Variants in CWC27 observed in about 807,000 individuals in gnomAD.
CWC27 encodes CWC27 spliceosome associated cyclophilin.
A neutral mutation model predicts 63.6 loss-of-function variants in CWC27; 47 were observed. The ratio of observed to expected loss-of-function variants is 0.74; its 90% CI spans 0.58 to 0.94. The LOEUF (loss-of-function observed/expected upper bound fraction) is 0.94, where lower values mean the gene tolerates loss of function less well. CWC27 is among the 40% of genes least tolerant of loss of function. The probability of loss-of-function intolerance (pLI) is 0.00; values close to 1 mark genes in which losing one functional copy is unlikely to be tolerated. For synonymous variants in CWC27, 175 were observed against 179.8 expected (o/e 0.97, Z 0.22); for missense variants, 495 against 554.3 (o/e 0.89, Z 1.07).
At chr5:64,807,610 T>TATGC in intron 10 of CWC27, 1 of 1,534,054 alleles carries the variant, frequency 6.5e-7, no homozygotes, top group Non-Finnish European at 8.7e-7. Context: ...CCACCTTCTC[T>TATGC]ATGCCTGTAT....
chr5:64,909,382 T>C (rs1221334980), intron 11 of CWC27, among the ~76,000 whole-genome samples: 1 of 152,180 alleles, frequency 6.6e-6, no homozygotes, highest in Non-Finnish European at 1.5e-5. Context: ...TTCCTTCATT[T>C]CAACCTTGGT....
intron 11 of CWC27, among the ~76,000 whole-genome samples, chr5:64,903,454 C>T (rs1238233150): frequency 6.6e-6 from 1 of 151,844 alleles, no homozygotes; most frequent in Non-Finnish European, 1.5e-5. Context: ...CATGTTCTCA[C>T]TCATAAGTGG....
intron 11 of CWC27, among the ~76,000 whole-genome samples, chr5:64,930,464 T>C (rs1748215333): frequency 6.6e-6 from 1 of 151,772 alleles, no homozygotes; most frequent in Non-Finnish European, 1.5e-5. Context: ...GGTAGAAAAA[T>C]AGGAATTCAT....
At chr5:64,996,545 G>A (rs1749635753) in intron 13 of CWC27, among the ~76,000 whole-genome samples, 1 of 151,086 alleles carries the variant, frequency 6.6e-6, no homozygotes, top group Admixed American at 6.6e-5. Context: ...GTGTTGTTGT[G>A]CCCAAATTAT....
chr5:64,938,243 C>T (rs925012257), intron 11 of CWC27, among the ~76,000 whole-genome samples: 1 of 152,004 alleles, frequency 6.6e-6, no homozygotes, highest in African/African-American at 2.4e-5. Context: ...TGGCTGATAC[C>T]GGTTTTTCCT....
chr5:65,016,675 T>A (rs1750053974), intron 13 of CWC27, among the ~76,000 whole-genome samples: 1 of 152,164 alleles, frequency 6.6e-6, no homozygotes. Flanking sequence ...GAACCCTTAG[T>A]AATGATGGTA....
rs1743379865 is a variant in CWC27 at position 64,774,710 on chromosome 5, CT to C, written c.63del (p.Gly22GlufsTer5). 3 of 1,587,596 alleles carry C rather than the reference CT, an allele frequency of 1.9e-6. No homozygotes were observed. The highest frequency in any genetic ancestry group is 1.8e-5 in the Admixed American group (1 of 55,810). ...CTACAGGTTTTATTGAAAACTACAG[CT>C]GGAGATATTGACATAGAGTTGTGGT... ...TNGKVLLKTT[A>X]GDIDIELWSK... On this transcript the variant is annotated frameshift_variant, in exon 2 of 14. Transcript: ENST00000381070. LOFTEE classifies it high-confidence loss of function.
At chr5:64,834,068 T>G (rs2112268317) in intron 10 of CWC27, among the ~76,000 whole-genome samples, 1 of 149,698 alleles carries the variant, frequency 6.7e-6, no homozygotes, top group Admixed American at 6.7e-5. Context: ...ATGGAAGCAA[T>G]CTCAAAAGTT....
chr5:64,967,999 T>C (rs1347041077), intron 11 of CWC27, among the ~76,000 whole-genome samples: 1 of 151,924 alleles, frequency 6.6e-6, no homozygotes, highest in Admixed American at 6.6e-5. Context: ...AGATAAATCA[T>C]TTACAAAATA....
chr5:64,975,486 T>A (rs1285524010), intron 12 of CWC27, among the ~76,000 whole-genome samples: 1 of 152,208 alleles, frequency 6.6e-6, no homozygotes, highest in Non-Finnish European at 1.5e-5. Flanking sequence ...CATTTCATAA[T>A]GATGGACTCT....
At chr5:64,839,263 A>T (rs775166468) in intron 10 of CWC27, among the ~76,000 whole-genome samples, 1 of 152,218 alleles carries the variant, frequency 6.6e-6, no homozygotes, top group African/African-American at 2.4e-5. Flanking sequence ...TTCATTCAGT[A>T]TTCATCTACT....
At chr5:64,959,969 A>G (rs1330152257) in intron 11 of CWC27, among the ~76,000 whole-genome samples, 2 of 152,228 alleles carry the variant, frequency 1.3e-5, no homozygotes, top group Non-Finnish European at 2.9e-5. Context: ...GAAGGTTCAA[A>G]TGAGGGGAAA....
At chr5:64,848,241 C>T (rs1214092225) in intron 10 of CWC27, among the ~76,000 whole-genome samples, 2 of 151,888 alleles carry the variant, frequency 1.3e-5, no homozygotes, top group Non-Finnish European at 2.9e-5. Flanking sequence ...AATTATGCAC[C>T]AACATATAGG....
At chr5:64,909,421 GTTC>G (rs1440624443) in intron 11 of CWC27, among the ~76,000 whole-genome samples, 1 of 151,690 alleles carries the variant, frequency 6.6e-6, no homozygotes, top group Non-Finnish European at 1.5e-5. Context: ...TCTTGGGGTT[GTTC>G]TTCTCAAGGA....
intron 10 of CWC27, among the ~76,000 whole-genome samples, chr5:64,845,953 CAA>C (rs1448353723): frequency 6.6e-6 from 1 of 152,126 alleles, no homozygotes; most frequent in African/African-American, 2.4e-5. Flanking sequence ...TGTCAAAAAT[CAA>C]AGACAAAACA....
chr5:64,980,135 A>T lies in CWC27; in HGVS notation c.1256+2897A>T, dbSNP rs554064884. On this transcript the variant is annotated intron_variant, in intron 13 of 13. Coordinates refer to ENST00000381070, the MANE Select transcript of CWC27 (RefSeq NM_005869.4). Reference sequence around the variant, plus strand: ...AATGCATGATAGAAATTTTTCACTCAGAATTACTAGGATTCCTCCTTTGTT... The same window carrying T: ...AATGCATGATAGAAATTTTTCACTCTGAATTACTAGGATTCCTCCTTTGTT... Among the ~76,000 whole-genome samples the T allele has an allele frequency of 2.0e-5, 3 of 152,354 alleles. No individual in the cohort carries two copies. In the South Asian group the frequency reaches 6.2e-4, roughly 32 times the overall value.
intron 10 of CWC27, among the ~76,000 whole-genome samples, chr5:64,849,230 C>CA (rs139344029): frequency 0.013 from 1,743 of 132,790 alleles, 21 homozygotes; most frequent in African/African-American, 0.03. Context: ...CAATAGCTAC[C>CA]AAAAAAAAAA....
intron 13 of CWC27, among the ~76,000 whole-genome samples, chr5:64,984,323 C>T (rs1749382430): frequency 6.6e-6 from 1 of 152,062 alleles, no homozygotes; most frequent in Non-Finnish European, 1.5e-5. Context: ...CTCATAGTAC[C>T]GTATCCAGTG....
intron 10 of CWC27, among the ~76,000 whole-genome samples, chr5:64,849,431 T>C (rs2112294445): frequency 6.6e-6 from 1 of 152,318 alleles, no homozygotes; most frequent in South Asian, 2.1e-4. Context: ...TCAAATCTCA[T>C]GTTGAATTGT....
Sources: gnomAD v4.1 joint callset for allele counts (sites outside exome capture counted in the v4.1 genomes callset) on GRCh38, gnomAD v4.1.1 for gene constraint, MANE v1.5 for transcripts, NCBI Gene and HGNC (gene_info 2026-07-23, HGNC 2026-07-21) for gene names.